Variants in SRRM2 observed in about 807,000 individuals in gnomAD.
The protein encoded by SRRM2 is serine/arginine repetitive matrix 2.
In SRRM2, 30 loss-of-function variants were observed where a neutral mutation model predicts 213.8. That is an observed-to-expected ratio of 0.14 (90% CI 0.10 to 0.19). The LOEUF (loss-of-function observed/expected upper bound fraction) is 0.19, where lower values mean the gene tolerates loss of function less well. SRRM2 is among the 10% of genes least tolerant of loss of function. The pLI, the probability that SRRM2 is intolerant of heterozygous loss-of-function variation, is 1.00. For missense variants in SRRM2, 4,904 were observed against 3,647.0 expected (o/e 1.34, Z -8.88); for synonymous variants, 2,025 against 1,377.7 (o/e 1.47, Z -10.40).
In SRRM2 at chr16:2,752,697, G is replaced by A. The variant is rs1384734813; in HGVS notation, c.-181G>A. The A allele has an allele frequency of 9.0e-6, 3 of 334,364 alleles. No individual in the cohort carries two copies. The highest frequency in any genetic ancestry group is 1.8e-5 in the Non-Finnish European group (3 of 168,102). 20.7% of individuals were successfully genotyped at this position (334,364 alleles called of 1,614,324 possible). A position where few individuals can be genotyped will look rare whatever the true frequency, so the allele number is the denominator to read the frequency against. The stretch of plus-strand genomic sequence containing the variant: ...AGTGGCGCAGTTGGAGCCCGTTGCG[G>A]CCCCTGAGGAAGCGAGGAGGCGTCG... On this transcript the variant is annotated 5_prime_UTR_variant, in exon 1 of 15. Transcript: ENST00000301740.
In SRRM2 at chr16:2,769,000, C is replaced by G. The variant is rs1427080560; in HGVS notation, c.7737C>G (p.Val2579=). 6.2e-7 allele frequency: 1 copy of G among 1,613,070 alleles called. No homozygotes were observed. Among genetic ancestry groups the G allele is most frequent in the African/African-American group, 1.3e-5 (1 of 74,892 alleles). ...TGACACTCCTCTCCTCCCACAGGGT[C>G]CCCAGCCCCACCCCAGCCCCAAAGG... is the stretch of plus-strand genomic sequence containing the variant. ...PVQPEVALKR[V]PSPTPAPKEA... Residue 2579 remains valine (V), a synonymous_variant, in exon 12 of 15, where the codon GTC becomes GTG. Transcript: ENST00000301740.
At position 2,762,176 on chromosome 16, in the gene SRRM2, A is replaced by G. The variant is rs1231044183; in HGVS notation, c.1648A>G (p.Arg550Gly). ...CTGGTCTAGGAGCAGAAATACCCAG[A>G]GAAGAGGCAGGTCTAGGTCAGCAAG... is the stretch of plus-strand genomic sequence containing the variant. ...PGWSRSRNTQ[R>G]RGRSRSARRG... The change falls in exon 11 of 15, where the codon AGA (arginine) becomes GGA (glycine). Residue 550 changes from arginine (R) to glycine (G), a missense_variant. Physicochemically the swap from Arg to Gly is moderately radical, Grantham distance 125. Transcript: ENST00000301740. 40 of 1,613,896 alleles carry G rather than the reference A, an allele frequency of 2.5e-5. No homozygotes were observed. Among genetic ancestry groups the G allele is most frequent in the Non-Finnish European group, 3.3e-5 (39 of 1,179,992 alleles).
At position 2,766,851 on chromosome 16, in the gene SRRM2, C is replaced by T; in HGVS notation, c.6323C>T (p.Ala2108Val). 6.2e-7 allele frequency: 1 copy of T among 1,614,192 alleles called. No homozygotes were observed. Among genetic ancestry groups the T allele is most frequent in the African/African-American group, 1.3e-5 (1 of 75,050 alleles). ...NHSGSRTPPV[A>V]LNSSRMSCFS... The stretch of plus-strand genomic sequence containing the variant: ...TCTGGTTCACGGACACCTCCAGTAG[C>T]ACTCAACAGTTCCAGAATGAGCTGC... Residue 2108 changes from alanine (A) to valine (V), a missense_variant, in exon 11 of 15, where the codon GCA becomes GTA. Transcript: ENST00000301740. The surrounding 1 kb of genome is among the most constrained non-coding windows in gnomAD (Gnocchi z 7.0).
In SRRM2 at chr16:2,762,491, C is replaced by T. The variant is rs139458756; in HGVS notation, c.1963C>T (p.Arg655Cys). Residue 655 changes from arginine to cysteine, a missense_variant, in exon 11 of 15, where the codon CGT becomes TGT. Arg to Cys is a radical substitution (Grantham distance 180). Coordinates refer to ENST00000301740, the MANE Select transcript of SRRM2 (RefSeq NM_016333.4). ...GTCACGCTCTAGAACCCCAGCTAGACGTGGCCGCTCACGCTCCAGAACCCC... is the reference window on the plus strand; with the variant it reads ...GTCACGCTCTAGAACCCCAGCTAGATGTGGCCGCTCACGCTCCAGAACCCC... The part of the protein sequence containing the change: ...GRSRSRTPAR[R>C]GRSRSRTPAR... 7.6e-5 allele frequency: 122 copies of T among 1,613,302 alleles called. No homozygotes were observed. The highest frequency in any genetic ancestry group is 9.2e-5 in the Non-Finnish European group (109 of 1,179,724).
In SRRM2 at chr16:2,766,353, C is replaced by A. The variant is rs376289698; in HGVS notation, c.5825C>A (p.Thr1942Lys). The A allele has an allele frequency of 6.2e-6, 10 of 1,614,050 alleles. No individual in the cohort carries two copies. The African/African-American group carries it at 1.3e-4, about 22-fold the overall frequency. Residue 1942 changes from threonine to lysine, a missense_variant, in exon 11 of 15, where the codon ACA becomes AAA. Transcript: ENST00000301740. The surrounding 1 kb of genome is among the most constrained non-coding windows in gnomAD (Gnocchi z 7.0). ...RRRSRSRTPT[T>K]RRRSRSRTPP... Reference sequence around the variant, plus strand: ...CGTTCAAGGTCTAGAACGCCAACAACACGCCGCCGCTCCCGTTCTAGAACT... The same window carrying A: ...CGTTCAAGGTCTAGAACGCCAACAAAACGCCGCCGCTCCCGTTCTAGAACT...
At position 2,762,566 on chromosome 16, in the gene SRRM2, C is replaced by A; in HGVS notation, c.2038C>A (p.Arg680Ser). ...TAGAACCCCAGCTAGACGCAGTGGT[C>A]GCTCACGCTCCAGAACACCAGCCAG... ...RSRTPARRSG[R>S]SRSRTPARRG... The change falls in exon 11 of 15, where the codon CGC becomes AGC. Residue 680 changes from arginine to serine, a missense_variant. Coordinates refer to ENST00000301740, the MANE Select transcript of SRRM2 (RefSeq NM_016333.4). 5.0e-6 allele frequency: 8 copies of A among 1,613,644 alleles called. No individual in the cohort carries two copies. The highest frequency in any genetic ancestry group is 6.8e-6 in the Non-Finnish European group (8 of 1,179,910).
At chr16:2,760,617 C>T (rs934759292) in intron 10 of SRRM2, 118 bp downstream of exon 10, 16 of 1,172,414 alleles carry the variant, frequency 1.4e-5, no homozygotes, top group East Asian at 1.3e-4. Flanking sequence ...GTTTTTTTTC[C>T]TGCATTTCTC....
Position 2,762,793 on chromosome 16 carries a change from T to C in SRRM2, c.2265T>C (p.Ser755=), listed in dbSNP as rs2068404728. 1 of 1,614,114 alleles carries C rather than the reference T, an allele frequency of 6.2e-7. No individual in the cohort carries two copies. The highest frequency in any genetic ancestry group is 1.3e-5 in the African/African-American group (1 of 75,030). ...CAGAAATGAAGAAATCTCGCATTTC[T>C]TCAAGGCGGAGCAGGTCTCTCTCTT... is the stretch of plus-strand genomic sequence containing the variant. The part of the protein sequence containing the change: ...SSPEMKKSRI[S]SRRSRSLSSP... The change falls in exon 11 of 15, where the codon TCT becomes TCC. Residue 755 remains serine (S), a synonymous_variant. Coordinates refer to ENST00000301740, the MANE Select transcript of SRRM2 (RefSeq NM_016333.4).
chr16:2,770,082 C>T (rs1489578032), intron 12 of SRRM2: 24 of 1,290,566 alleles, frequency 1.9e-5, no homozygotes, highest in African/African-American at 7.5e-5. Flanking sequence ...TTCCCACACA[C>T]GGGGCCGTGC....
At chr16:2,760,111 G>A in intron 9 of SRRM2, 190 bp from the exon 10 acceptor site, 2 of 634,910 alleles carry the variant, frequency 3.2e-6, no homozygotes, top group Admixed American at 2.7e-5. Context: ...CTTTGGGATT[G>A]TGTTGGGAAA....
At position 2,759,592 on chromosome 16, in the gene SRRM2, C is replaced by G. The variant is rs2068267394; in HGVS notation, c.764C>G (p.Pro255Arg). 3.7e-6 allele frequency: 6 copies of G among 1,614,116 alleles called. No homozygotes were observed. The highest frequency in any genetic ancestry group is 5.1e-6 in the Non-Finnish European group (6 of 1,180,024). ...AGGTCTCGAAGTACAACACCAGCCC[C>G]CAAGAGCCGCCGGGCCCACCGTTCA... ...RKRSRSTTPA[P>R]KSRRAHRSTS... The change falls in exon 9 of 15, where the codon CCC becomes CGC. Residue 255 changes from proline to arginine, a missense_variant. Pro to Arg is a moderately radical substitution (Grantham distance 103). Transcript: ENST00000301740.
rs1487628161 is a variant in SRRM2 at position 2,765,819 on chromosome 16, C to T, written c.5291C>T (p.Ser1764Leu). 12 of 1,614,118 alleles carry T rather than the reference C, an allele frequency of 7.4e-6. No homozygotes were observed. Among genetic ancestry groups the T allele is most frequent in the East Asian group, 2.2e-5 (1 of 44,876 alleles). The change falls in exon 11 of 15, where the codon TCG (serine) becomes TTG (leucine). Residue 1764 changes from serine (S) to leucine (L), a missense_variant. Physicochemically the swap from Ser to Leu is moderately radical, Grantham distance 145. Coordinates refer to ENST00000301740, the MANE Select transcript of SRRM2 (RefSeq NM_016333.4). ...ACCTCAAGGAGAGGCCGCTCTCCTT[C>T]GCCAAAGCCTCGTGGACTCCAGAGG... ...KTTSRRGRSP[S>L]PKPRGLQRSR...
chr16:2,756,658 G>A (rs1233812119), intron 2 of SRRM2, 52 bp downstream of exon 2: 10 of 1,559,416 alleles, frequency 6.4e-6, no homozygotes, highest in Non-Finnish European at 8.7e-6. Context: ...AGAGCTGGGG[G>A]TGTTAGGTGG....
chr16:2,763,369 A>G lies in SRRM2; in HGVS notation c.2841A>G (p.Pro947=), dbSNP rs866087703. The G allele has an allele frequency of 1.2e-6, 2 of 1,614,178 alleles. No homozygotes were observed. The highest frequency in any genetic ancestry group is 1.1e-5 in the South Asian group (1 of 91,078). ...SPSRVTSRTT[P]RRSRSVSPCS... ...GTAGGGTGACGTCGAGAACAACTCCACGGCGAAGCAGATCAGTATCTCCCT... is the reference window on the plus strand; with the variant it reads ...GTAGGGTGACGTCGAGAACAACTCCGCGGCGAAGCAGATCAGTATCTCCCT... Residue 947 remains proline, a synonymous_variant, in exon 11 of 15, where the codon CCA becomes CCG. Coordinates refer to ENST00000301740, the MANE Select transcript of SRRM2 (RefSeq NM_016333.4).
intron 5 of SRRM2, chr16:2,758,776 A>C: frequency 1.4e-6 from 1 of 692,914 alleles, no homozygotes; most frequent in Non-Finnish European, 2.4e-6. Flanking sequence ...TGGATTCTGG[A>C]ATTTTCTTTT....
rs1596299878 is a variant in SRRM2 at position 2,771,053 on chromosome 16, A to G, written c.*186A>G. Reference sequence around the variant, plus strand: ...TTCCTGTGAAATGTTAATCTCCGTGAGTTCTTCCTGGTTCATGTGTTCTGG... The same window carrying G: ...TTCCTGTGAAATGTTAATCTCCGTGGGTTCTTCCTGGTTCATGTGTTCTGG... On this transcript the variant is annotated 3_prime_UTR_variant, in exon 15 of 15. Coordinates refer to ENST00000301740, the MANE Select transcript of SRRM2 (RefSeq NM_016333.4). 2 of 378,220 alleles carry G rather than the reference A, an allele frequency of 5.3e-6. No individual in the cohort carries two copies. Among genetic ancestry groups the G allele is most frequent in the Admixed American group, 5.3e-5 (1 of 18,890 alleles). 23.4% of individuals were successfully genotyped at this position (378,220 alleles called of 1,614,324 possible).
intron 4 of SRRM2, 39 bp downstream of exon 4, chr16:2,757,984 T>C: frequency 6.3e-7 from 1 of 1,585,940 alleles, no homozygotes; most frequent in South Asian, 1.1e-5. Flanking sequence ...CTTCTTTTCT[T>C]GATTGTAAGC....
In SRRM2 at chr16:2,766,781, T is replaced by A; in HGVS notation, c.6253T>A (p.Ser2085Thr). 2 of 1,614,146 alleles carry A rather than the reference T, an allele frequency of 1.2e-6. No individual in the cohort carries two copies. The highest frequency in any genetic ancestry group is 1.7e-6 in the Non-Finnish European group (2 of 1,180,020). ...CAGGCGTTCTGCATCTGGAAGTAGT[T>A]CTGATCGTTCACGATCTGCTACTCC... ...IRRRSASGSS[S>T]DRSRSATPPA... Residue 2085 changes from serine to threonine, a missense_variant, in exon 11 of 15, where the codon TCT (serine) becomes ACT (threonine). Ser to Thr is a moderately conservative substitution (Grantham distance 58). Transcript: ENST00000301740. This position sits in a 1 kb window ranked among gnomAD's most constrained non-coding sequence, Gnocchi z 7.0.
Position 2,760,161 on chromosome 16 carries a change from G to C in SRRM2, c.834-140G>C, listed in dbSNP as rs1179603453. 13 of 775,450 alleles carry C rather than the reference G, an allele frequency of 1.7e-5. No homozygotes were observed. The African/African-American group carries it at 2.1e-4, about 12-fold the overall frequency. 48.0% of individuals were successfully genotyped at this position (775,450 alleles called of 1,614,324 possible). ...GGACTGTACTTGCATTTCAGTGAAT[G>C]ATTTGAGTTGTGCGACTAAAGGCTT... is the stretch of plus-strand genomic sequence containing the variant. On this transcript the variant is annotated intron_variant, in intron 9 of 14. Transcript: ENST00000301740.
Sources: gnomAD v4.1 joint callset for allele counts on GRCh38, gnomAD v4.1.1 for gene constraint, Gnocchi (gnomAD v3.1) non-coding constraint, MANE v1.5 for transcripts, NCBI Gene and HGNC (gene_info 2026-07-23, HGNC 2026-07-21) for gene names.